Variants in BEND7 observed in about 807,000 individuals in gnomAD.
BEND7 encodes BEN domain containing 7, also known as BEN domain-containing protein 7.
A neutral mutation model predicts 50.9 loss-of-function variants in BEND7; 28 were observed. The observed-to-expected ratio is 0.55, with a 90% CI of 0.41 to 0.75. The LOEUF is 0.75. BEND7 is among the 30% of genes least tolerant of loss of function. BEND7 has a pLI of 0.00. For missense variants in BEND7, 477 were observed against 491.3 expected, an observed-to-expected ratio of 0.97 and a Z score of 0.28; for synonymous variants, 170 against 183.9, an observed-to-expected ratio of 0.92 and a Z score of 0.61.
chr10:13,515,739 A>G (rs2078623130), intron 2 of BEND7, among the ~76,000 whole-genome samples: 1 of 152,196 alleles, frequency 6.6e-6, no homozygotes, highest in Admixed American at 6.5e-5. Context: ...TCTGTGAGAC[A>G]ATGGACGAGG....
rs140935663 is a variant in BEND7, at chr10:13,490,017, G to T, written c.837+2594C>A. On this transcript the variant is annotated intron_variant, in intron 5 of 8. Coordinates refer to ENST00000466271, the MANE Select transcript of BEND7 (RefSeq NM_001369863.1). ...ACACTCTGCCATTTTTGACATTTTG[G>T]TTGGTTCTGATTAGAACTTAGTGTT... Among the ~76,000 whole-genome samples the T allele has an allele frequency of 1.7e-3, 259 of 152,270 alleles. 1 individual carries two copies. The highest frequency in any genetic ancestry group is 5.6e-3 in the African/African-American group (234 of 41,538).
intron 6 of BEND7, 105 bp from the exon 7 acceptor site, chr10:13,452,763 G>C: frequency 9.6e-7 from 1 of 1,045,978 alleles, no homozygotes; most frequent in Non-Finnish European, 1.3e-6. Flanking sequence ...TTCTAAAGGA[G>C]GTCAGTTCTG....
chr10:13,529,247 C>G (rs1190903562), upstream of BEND7, among the ~76,000 whole-genome samples: 2 of 149,414 alleles, frequency 1.3e-5, no homozygotes, highest in Non-Finnish European at 3.0e-5. Flanking sequence ...ACGCCGCCGC[C>G]CGGGCCTCCG....
chr10:13,461,797 T>C (rs939876266), intron 6 of BEND7, among the ~76,000 whole-genome samples: 22 of 151,994 alleles, frequency 1.4e-4, no homozygotes, highest in South Asian at 4.2e-4. Context: ...GGTTGCACCA[T>C]TGCATAAAAC....
chr10:13,486,997 G>T (rs1245357095), intron 5 of BEND7, among the ~76,000 whole-genome samples: 3 of 152,182 alleles, frequency 2.0e-5, no homozygotes, highest in African/African-American at 7.2e-5. Context: ...TGACCTGACT[G>T]CCTGCGCCAC....
chr10:13,471,120 G>A (rs144632657), intron 6 of BEND7, among the ~76,000 whole-genome samples: 7 of 152,272 alleles, frequency 4.6e-5, no homozygotes, highest in Non-Finnish European at 8.8e-5. Flanking sequence ...CCCCTGCCAG[G>A]TAATAGACAT....
intron 3 of BEND7, 75 bp from the exon 4 acceptor site, chr10:13,496,963 G>C (rs995101532): frequency 2.8e-5 from 41 of 1,441,532 alleles, no homozygotes; most frequent in Non-Finnish European, 3.6e-5. Context: ...GAGGTGGAGA[G>C]AAAAAAGAAA....
chr10:13,508,876 G>A (rs992895642), intron 2 of BEND7, among the ~76,000 whole-genome samples: 34 of 152,288 alleles, frequency 2.2e-4, no homozygotes, highest in African/African-American at 7.7e-4. Flanking sequence ...TCTGATCGAC[G>A]GGCAGGCCTA....
intron 8 of BEND7, 75 bp from the exon 9 acceptor site, chr10:13,441,825 G>A: frequency 6.9e-7 from 1 of 1,447,132 alleles, no homozygotes; most frequent in East Asian, 2.3e-5. Context: ...CTAACAAAAA[G>A]GTATGATGGA....
intron 5 of BEND7, among the ~76,000 whole-genome samples, chr10:13,492,157 G>A (rs1003396090): frequency 3.9e-5 from 6 of 152,030 alleles, no homozygotes; most frequent in Admixed American, 1.3e-4. Flanking sequence ...CCTAATTAGT[G>A]GTGTGGCTTG....
At chr10:13,465,486 C>T (rs373689778) in intron 6 of BEND7, among the ~76,000 whole-genome samples, 1 of 152,146 alleles carries the variant, frequency 6.6e-6, no homozygotes, top group Non-Finnish European at 1.5e-5. Flanking sequence ...ATCTCATCTT[C>T]GTGCTGACTG....
intron 2 of BEND7, chr10:13,503,027 C>A: frequency 9.7e-6 from 7 of 724,776 alleles, no homozygotes; most frequent in Non-Finnish European, 1.2e-5. Context: ...GATTCTGGAA[C>A]CTTCTGAGGG....
At chr10:13,466,731 C>T (rs546452660) in intron 6 of BEND7, among the ~76,000 whole-genome samples, 2 of 152,286 alleles carry the variant, frequency 1.3e-5, no homozygotes, top group South Asian at 2.1e-4. Flanking sequence ...AAAACACATG[C>T]GTTCCCTCCA....
intron 6 of BEND7, among the ~76,000 whole-genome samples, chr10:13,470,016 G>T (rs2074652187): frequency 6.6e-6 from 1 of 152,158 alleles, no homozygotes; most frequent in South Asian, 2.1e-4. Flanking sequence ...CAGAAGAAAA[G>T]CTACCAGGAA....
chr10:13,522,640 C>T (rs1422547993), intron 2 of BEND7, among the ~76,000 whole-genome samples: 4 of 152,198 alleles, frequency 2.6e-5, no homozygotes, highest in South Asian at 2.1e-4. Context: ...AATACAGGAG[C>T]GAATCTTTCC....
At chr10:13,495,891 A>T (rs2076986896) in intron 4 of BEND7, among the ~76,000 whole-genome samples, 1 of 152,226 alleles carries the variant, frequency 6.6e-6, no homozygotes, top group Non-Finnish European at 1.5e-5. Flanking sequence ...CATGGCTTAG[A>T]TCAAGTGGTG....
chr10:13,509,044 G>GT (rs1249131352), intron 2 of BEND7, among the ~76,000 whole-genome samples: 1 of 152,194 alleles, frequency 6.6e-6, no homozygotes, highest in African/African-American at 2.4e-5. Context: ...GAGATGGGCA[G>GT]TTAGGGTCAA....
chr10:13,512,094 A>C (rs1019857807), intron 2 of BEND7, among the ~76,000 whole-genome samples: 3 of 152,230 alleles, frequency 2.0e-5, no homozygotes, highest in Non-Finnish European at 4.4e-5. Context: ...ACTTAGTTGC[A>C]CTGCTCCAAA....
At chr10:13,461,407 CTT>C (rs1840168757) in intron 6 of BEND7, among the ~76,000 whole-genome samples, 1 of 152,138 alleles carries the variant, frequency 6.6e-6, no homozygotes. Flanking sequence ...TCTGTCCAGA[CTT>C]TGAGGGAGAA....
Sources: gnomAD v4.1 joint callset for allele counts (sites outside exome capture counted in the v4.1 genomes callset) on GRCh38, gnomAD v4.1.1 for gene constraint, MANE v1.5 for transcripts, NCBI Gene and HGNC (gene_info 2026-07-23, HGNC 2026-07-21) for gene names.